The following HACE1 variants were observed in gnomAD, a reference collection of about 807,000 sequenced individuals.
HACE1 encodes HECT domain and ankyrin repeat containing E3 ubiquitin protein ligase 1.
Under a neutral mutation model 118.4 loss-of-function variants are expected in HACE1, and 73 were observed. The ratio of observed to expected loss-of-function variants is 0.62; its 90% CI spans 0.51 to 0.75. The LOEUF is 0.75. HACE1 is among the 30% of genes least tolerant of loss of function. The probability of loss-of-function intolerance (pLI) is 0.00; values close to 1 mark genes in which losing one functional copy is unlikely to be tolerated. For synonymous variants in HACE1, 368 were observed against 374.8 expected (o/e 0.98, Z 0.21); for missense variants, 749 against 1,102.2 (o/e 0.68, Z 4.54).
chr6:104,775,523 T>G (rs955243671), intron 17 of HACE1, among the ~76,000 whole-genome samples: 8 of 152,162 alleles, frequency 5.3e-5, no homozygotes, highest in Non-Finnish European at 1.0e-4. Flanking sequence ...TAAGTAGACT[T>G]AGAATAAAGG....
At chr6:104,798,099 A>C (rs899934682) in intron 7 of HACE1, among the ~76,000 whole-genome samples, 9 of 151,996 alleles carry the variant, frequency 5.9e-5, no homozygotes, top group Admixed American at 5.2e-4. Context: ...AAAGAAAGAA[A>C]AGAGAAGAAA....
intron 7 of HACE1, among the ~76,000 whole-genome samples, 169 bp downstream of exon 7, chr6:104,811,142 A>G (rs189159266): frequency 6.6e-6 from 1 of 151,448 alleles, no homozygotes; most frequent in Admixed American, 6.6e-5. Context: ...AAAAGACAGC[A>G]TATTTGTGGG....
At chr6:104,797,130 A>G in intron 7 of HACE1, 105 bp from the exon 8 acceptor site, 3 of 729,320 alleles carry the variant, frequency 4.1e-6, no homozygotes, top group Non-Finnish European at 7.4e-6. Context: ...ACTTTTAAAA[A>G]TTAAGACAAG....
intron 5 of HACE1, among the ~76,000 whole-genome samples, chr6:104,840,695 G>T (rs1201628727): frequency 1.3e-5 from 2 of 152,132 alleles, no homozygotes; most frequent in African/African-American, 2.4e-5. Context: ...TGGGCGCGGT[G>T]GCTCACACCT....
rs1310416537 is a variant in HACE1 at position 104,811,368 on chromosome 6, C to T, written c.560G>A (p.Gly187Asp). The change falls in exon 7 of 24, where the codon GGT (glycine) becomes GAT (aspartate). Residue 187 changes from glycine to aspartate, a missense_variant. Around this residue, in one of 5 missense-constraint regions of HACE1, gnomAD observed 267 missense variants for 312.2 expected, o/e 0.86. Transcript: ENST00000262903. ...KTTVQCLLDS[G>D]ADINRPNVSG... ...TACATTTGGCCTGTTAATATCAGCA[C>T]CACTGTCTAGCAAGCACTGCACTGT... is the stretch of plus-strand genomic sequence containing the variant. 6.5e-7 allele frequency: 1 copy of T among 1,539,204 alleles called. No individual in the cohort carries two copies. Among genetic ancestry groups the T allele is most frequent in the South Asian group, 1.1e-5 (1 of 89,646 alleles).
At chr6:104,828,720 C>T (rs944950045) in intron 6 of HACE1, among the ~76,000 whole-genome samples, 1 of 151,966 alleles carries the variant, frequency 6.6e-6, no homozygotes, top group Admixed American at 6.6e-5. Flanking sequence ...TCATGTTTAC[C>T]TCTAATGCAA....
chr6:104,834,901 G>A (rs988384994), intron 5 of HACE1, among the ~76,000 whole-genome samples: 5 of 152,164 alleles, frequency 3.3e-5, no homozygotes, highest in African/African-American at 1.2e-4. Context: ...GGCCAGTAAT[G>A]GCCCCCACTC....
At chr6:104,841,258 T>G (rs1775096373) in intron 5 of HACE1, among the ~76,000 whole-genome samples, 1 of 152,322 alleles carries the variant, frequency 6.6e-6, no homozygotes, top group South Asian at 2.1e-4. Flanking sequence ...ATAATTTTGT[T>G]AAATAAAAAT....
At chr6:104,845,465 C>T (rs1034425053) in intron 4 of HACE1, among the ~76,000 whole-genome samples, 3 of 145,288 alleles carry the variant, frequency 2.1e-5, no homozygotes, top group African/African-American at 7.5e-5. Context: ...GAAAATAAAG[C>T]TCTGGGTAAA....
chr6:104,785,099 G>A lies in HACE1; in HGVS notation c.1295C>T (p.Ala432Val), dbSNP rs1782204974. 10 of 1,613,710 alleles carry A rather than the reference G, an allele frequency of 6.2e-6. No individual in the cohort carries two copies. Among genetic ancestry groups the A allele is most frequent in the Non-Finnish European group, 8.5e-6 (10 of 1,179,700 alleles). The change falls in exon 12 of 24, where the codon GCA (alanine) becomes GTA (valine). Residue 432 changes from alanine (A) to valine (V), a missense_variant. By Grantham distance (64) the Ala-to-Val change is moderately conservative. This residue lies in a region of HACE1 where 267 missense variants were observed against 312.2 expected (regional missense o/e 0.86). Transcript: ENST00000262903. ...GTRESKPDALAGRQEASADCQ... is the reference protein window; with the variant it reads ...GTRESKPDALVGRQEASADCQ... Reference sequence around the variant, plus strand: ...ATCTGCACTGGCTTCCTGTCTCCCTGCAAGAGCATCTGGTTTAGATTCCCT... The same window carrying A: ...ATCTGCACTGGCTTCCTGTCTCCCTACAAGAGCATCTGGTTTAGATTCCCT...
At chr6:104,796,365 C>T (rs1769631610) in intron 9 of HACE1, among the ~76,000 whole-genome samples, 4 of 152,168 alleles carry the variant, frequency 2.6e-5, no homozygotes, top group Admixed American at 2.6e-4. Context: ...CCACCTCAGC[C>T]TCCCAAAGTG....
intron 19 of HACE1, among the ~76,000 whole-genome samples, chr6:104,766,632 G>A (rs949404905): frequency 1.1e-4 from 16 of 152,068 alleles, no homozygotes; most frequent in Non-Finnish European, 2.4e-4. Flanking sequence ...AAATGAAATC[G>A]TTAAAACATA....
At chr6:104,772,780 CT>C (rs549843888) in intron 17 of HACE1, among the ~76,000 whole-genome samples, 2 of 152,080 alleles carry the variant, frequency 1.3e-5, no homozygotes, top group Non-Finnish European at 2.9e-5. Flanking sequence ...TATGAATCCA[CT>C]TTTATAAAAT....
intron 7 of HACE1, among the ~76,000 whole-genome samples, chr6:104,809,095 T>C (rs1420167892): frequency 6.6e-6 from 1 of 152,238 alleles, no homozygotes. Flanking sequence ...GCATTGTTTT[T>C]TATAAGATAT....
chr6:104,787,264 C>T (rs1252348413), intron 11 of HACE1: 1 of 152,102 alleles, frequency 6.6e-6, no homozygotes, highest in Admixed American at 6.6e-5. Flanking sequence ...TACCCTCCTT[C>T]GAAGTTAAAG....
chr6:104,761,726 T>G (rs541662069), intron 19 of HACE1, among the ~76,000 whole-genome samples: 1 of 152,162 alleles, frequency 6.6e-6, no homozygotes, highest in South Asian at 2.1e-4. Flanking sequence ...AGAGCTTCTG[T>G]ACAGCAAAAG....
At chr6:104,756,386 T>C (rs1276539839) in intron 19 of HACE1, among the ~76,000 whole-genome samples, 1 of 139,796 alleles carries the variant, frequency 7.2e-6, no homozygotes, top group Non-Finnish European at 1.5e-5. Context: ...CACCCCAGCC[T>C]GAGTGACAGA....
At chr6:104,844,343 C>T (rs187850711) in intron 4 of HACE1, among the ~76,000 whole-genome samples, 18 of 136,664 alleles carry the variant, frequency 1.3e-4, no homozygotes, top group African/African-American at 4.4e-4. Context: ...CCATCATAAA[C>T]ATTTTTTTTT....
rs757198782 is a variant in HACE1 at position 104,843,306 on chromosome 6, GAA to G, written c.327-10_327-9del. 10 of 1,338,496 alleles carry G rather than the reference GAA, an allele frequency of 7.5e-6. No homozygotes were observed. The highest frequency in any genetic ancestry group is 1.1e-5 in the Non-Finnish European group (10 of 930,032). The allele number at this position is 1,338,496 out of a possible 1,614,324, so 82.9% of individuals were successfully genotyped here. A position where few individuals can be genotyped will look rare whatever the true frequency, so the allele number is the denominator to read the frequency against. On this transcript the variant is annotated splice_polypyrimidine_tract_variant and intron_variant, in intron 4 of 23. Coordinates refer to ENST00000262903, the MANE Select transcript of HACE1 (RefSeq NM_020771.4). The stretch of plus-strand genomic sequence containing the variant: ...CTCATACATTTCTTCTGCCTGAAAA[GAA>G]AAAAGAGTCATGGATAACTGGTACT...
Sources: allele counts gnomAD v4.1 joint callset (sites outside exome capture counted in the v4.1 genomes callset), GRCh38; gene constraint gnomAD v4.1.1; regional missense constraint gnomAD v4.1.1; transcripts MANE v1.5; gene names NCBI Gene and HGNC (gene_info 2026-07-23, HGNC 2026-07-21).